Variants in NUP214 observed in about 807,000 individuals in gnomAD.
NUP214 encodes nuclear pore complex protein Nup214.
Under a neutral mutation model 196.2 loss-of-function variants are expected in NUP214, and 79 were observed. The ratio of observed to expected loss-of-function variants is 0.40; its 90% CI spans 0.34 to 0.49. The LOEUF is 0.49. Ranked by LOEUF, NUP214 falls within the 20% of genes least tolerant of loss-of-function variation. The pLI, the probability that NUP214 is intolerant of heterozygous loss-of-function variation, is 0.58. For synonymous variants in NUP214, 1,020 were observed against 990.5 expected, an observed-to-expected ratio of 1.03 and a Z score of -0.56; for missense variants, 2,468 against 2,539.0, an observed-to-expected ratio of 0.97 and a Z score of 0.60.
At chr9:131,218,580 G>A (rs374215631) in intron 31 of NUP214, among the ~76,000 whole-genome samples, 22 of 137,688 alleles carry the variant, frequency 1.6e-4, no homozygotes, top group East Asian at 1.6e-3. Flanking sequence ...ACCAACCCCC[G>A]CACTCCCCGC....
intron 18 of NUP214, among the ~76,000 whole-genome samples, chr9:131,161,167 C>T (rs902889391): frequency 6.6e-6 from 1 of 151,820 alleles, no homozygotes; most frequent in South Asian, 2.1e-4. Flanking sequence ...CTGCAGAGTT[C>T]AAATTCTTAA....
intron 21 of NUP214, among the ~76,000 whole-genome samples, chr9:131,166,217 C>T (rs925660554): frequency 1.3e-5 from 2 of 152,118 alleles, no homozygotes; most frequent in Non-Finnish European, 2.9e-5. Context: ...GAACACATGC[C>T]TTATAAAGAC....
intron 31 of NUP214, among the ~76,000 whole-genome samples, chr9:131,220,608 C>G (rs532185211): frequency 1.3e-5 from 2 of 152,282 alleles, no homozygotes; most frequent in African/African-American, 2.4e-5. Flanking sequence ...CAGCCTTTTC[C>G]GAGAGTCTAC....
chr9:131,221,184 T>C (rs1279631295), intron 31 of NUP214, among the ~76,000 whole-genome samples: 1 of 152,186 alleles, frequency 6.6e-6, no homozygotes, highest in African/African-American at 2.4e-5. Flanking sequence ...GAAGGCCATT[T>C]TGTGGGACTC....
chr9:131,186,370 A>G (rs1333937631), intron 24 of NUP214, among the ~76,000 whole-genome samples: 2 of 152,194 alleles, frequency 1.3e-5, no homozygotes, highest in African/African-American at 4.8e-5. Flanking sequence ...GAGAATCTCA[A>G]TATGCTTGTA....
chr9:131,214,845 G>A (rs570789986), intron 30 of NUP214, among the ~76,000 whole-genome samples: 196 of 152,330 alleles, frequency 1.3e-3, no homozygotes, highest in African/African-American at 4.2e-3. Flanking sequence ...AGTGGTGTCC[G>A]TAATAGCTTG....
intron 12 of NUP214, among the ~76,000 whole-genome samples, 199 bp from the exon 13 acceptor site, chr9:131,145,930 G>C (rs549059055): frequency 2.0e-5 from 3 of 152,100 alleles, no homozygotes; most frequent in Admixed American, 6.6e-5. Context: ...ATAAGCAGAC[G>C]AAAAGATAAA....
chr9:131,174,177 G>T lies in NUP214; in HGVS notation c.3016G>T (p.Asp1006Tyr). ...SEDARTSCKD[D>Y]EAVVQAPRHA... ...AGATGCACGGACGTCCTGTAAAGAT[G>T]ACGAGGCAGTGGTTCAGGCCCCTCG... The change falls in exon 22 of 36, where the codon GAC becomes TAC. Residue 1006 changes from aspartate to tyrosine, a missense_variant. By Grantham distance (160) the Asp-to-Tyr change is radical. Transcript: ENST00000359428. 1 of 1,613,944 alleles carries T rather than the reference G, an allele frequency of 6.2e-7. No homozygotes were observed.
intron 24 of NUP214, among the ~76,000 whole-genome samples, chr9:131,179,210 C>T (rs1282562014): frequency 6.6e-6 from 1 of 152,076 alleles, no homozygotes; most frequent in Admixed American, 6.5e-5. Flanking sequence ...CATGTCACCC[C>T]AGGCTGGTCT....
chr9:131,174,089 A>G lies in NUP214; in HGVS notation c.2928A>G (p.Arg976=), dbSNP rs1467476830. 1.2e-6 allele frequency: 2 copies of G among 1,613,064 alleles called. No homozygotes were observed. Among genetic ancestry groups the G allele is most frequent in the African/African-American group, 2.7e-5 (2 of 74,754 alleles). The part of the protein sequence containing the change: ...SLSRSAFLSQ[R]YYEDLDEVSS... The stretch of plus-strand genomic sequence containing the variant: ...CTCGATCAGCCTTTCTGTCTCAGAG[A>G]TATTATGAAGACTTGGATGAAGTCA... Residue 976 remains arginine (R), a synonymous_variant, in exon 22 of 36, where the codon AGA becomes AGG. Coordinates refer to ENST00000359428, the MANE Select transcript of NUP214 (RefSeq NM_005085.4).
In NUP214 at chr9:131,174,169, G is replaced by A. The variant is rs373654759; in HGVS notation, c.3008G>A (p.Cys1003Tyr). The A allele has an allele frequency of 2.9e-5, 47 of 1,613,786 alleles. No individual in the cohort carries two copies. Among genetic ancestry groups the A allele is most frequent in the Non-Finnish European group, 3.7e-5 (44 of 1,179,978 alleles). The change falls in exon 22 of 36, where the codon TGT becomes TAT. Residue 1003 changes from cysteine to tyrosine, a missense_variant. Cys to Tyr is a radical substitution (Grantham distance 194). This residue lies in a region of NUP214 where 1,801 missense variants were observed against 1,779.4 expected (regional missense o/e 1.01). Coordinates refer to ENST00000359428, the MANE Select transcript of NUP214 (RefSeq NM_005085.4). Reference sequence around the variant, plus strand: ...GAGAGTGAAGATGCACGGACGTCCTGTAAAGATGACGAGGCAGTGGTTCAG... The same window carrying A: ...GAGAGTGAAGATGCACGGACGTCCTATAAAGATGACGAGGCAGTGGTTCAG... ...SLESEDARTS[C>Y]KDDEAVVQAP...
intron 31 of NUP214, among the ~76,000 whole-genome samples, chr9:131,221,897 C>T (rs937856598): frequency 2.6e-5 from 4 of 151,330 alleles, no homozygotes; most frequent in Non-Finnish European, 5.9e-5. Flanking sequence ...GCTATATTAT[C>T]TGAGTGACAG....
In NUP214 at chr9:131,150,746, A is replaced by G; in HGVS notation, c.2258A>G (p.Glu753Gly). Reference protein sequence around the residue: ...ESDDLHTFLLEIKETTESLHG... With the variant: ...ESDDLHTFLLGIKETTESLHG... ...GATGACTTGCATACCTTTCTTTTGGAGATTAAAGAGACCACAGAGGTTTGT... is the reference window on the plus strand; with the variant it reads ...GATGACTTGCATACCTTTCTTTTGGGGATTAAAGAGACCACAGAGGTTTGT... The change falls in exon 16 of 36, where the codon GAG (glutamate) becomes GGG (glycine). Residue 753 changes from glutamate (E) to glycine (G), a missense_variant. Coordinates refer to ENST00000359428, the MANE Select transcript of NUP214 (RefSeq NM_005085.4). 6.2e-7 allele frequency: 1 copy of G among 1,611,662 alleles called. No homozygotes were observed. The highest frequency in any genetic ancestry group is 1.1e-5 in the South Asian group (1 of 90,520).
chr9:131,183,479 TC>T (rs1833350659), intron 24 of NUP214, among the ~76,000 whole-genome samples: 1 of 152,244 alleles, frequency 6.6e-6, no homozygotes, highest in African/African-American at 2.4e-5. Context: ...CTGTGTCTGG[TC>T]CCAGCTTGCC....
chr9:131,132,891 A>G (rs1831601047), intron 6 of NUP214: 2 of 619,544 alleles, frequency 3.2e-6, no homozygotes, highest in East Asian at 2.8e-5. Context: ...ACAATTCTTC[A>G]TAATTTGCCC....
Position 131,154,325 on chromosome 9 carries a change from T to C in NUP214, c.2436+2431T>C, listed in dbSNP as rs189199297. 2.3e-3 allele frequency among the ~76,000 whole-genome samples: 349 copies of C among 152,262 alleles called. 4 individuals carry two copies. The highest frequency in any genetic ancestry group is 8.1e-3 in the African/African-American group (335 of 41,542). On this transcript the variant is annotated intron_variant, in intron 17 of 35. Transcript: ENST00000359428. The stretch of plus-strand genomic sequence containing the variant: ...TTCTGAGATTTTGGTGCACCCATCA[T>C]CCAAGCAGTGTACACTGTACCCCAA...
chr9:131,179,809 C>T (rs1015263330), intron 24 of NUP214, among the ~76,000 whole-genome samples: 1 of 152,162 alleles, frequency 6.6e-6, no homozygotes, highest in Non-Finnish European at 1.5e-5. Context: ...TTTGTAGTGA[C>T]CTCGGAGCCT....
chr9:131,168,796 A>G (rs575496790), intron 21 of NUP214, among the ~76,000 whole-genome samples: 1 of 151,882 alleles, frequency 6.6e-6, no homozygotes, highest in Non-Finnish European at 1.5e-5. Flanking sequence ...TTGTGTTTGG[A>G]TATCTGCTTG....
chr9:131,201,012 A>T lies in NUP214; in HGVS notation c.5522-635A>T, dbSNP rs1022769158. Among the ~76,000 whole-genome samples, 7 of 151,234 alleles carry T rather than the reference A, an allele frequency of 4.6e-5. No homozygotes were observed. The East Asian group carries it at 1.4e-3, about 29-fold the overall frequency. ...CGTGGGGTTTGGTAGGAGAGGATTC[A>T]TTCCCCAGGGCTTTAGAACTTACAC... On this transcript the variant is annotated intron_variant, in intron 29 of 35. Coordinates refer to ENST00000359428, the MANE Select transcript of NUP214 (RefSeq NM_005085.4).
Sources: gnomAD v4.1 joint callset for allele counts (sites outside exome capture counted in the v4.1 genomes callset) on GRCh38, gnomAD v4.1.1 for gene constraint, gnomAD v4.1.1 regional missense constraint, MANE v1.5 for transcripts, NCBI Gene and HGNC (gene_info 2026-07-23, HGNC 2026-07-21) for gene names.